PPP2R2B: variants seen among roughly 807,000 people sequenced by gnomAD.
The protein encoded by PPP2R2B is protein phosphatase 2 regulatory subunit Bbeta, also known as serine/threonine-protein phosphatase 2A 55 kDa regulatory subunit B beta isoform.
PPP2R2B carries 5 observed loss-of-function variants against 46.0 expected under a neutral mutation model. The ratio of observed to expected loss-of-function variants is 0.11; its 90% CI spans 0.06 to 0.23. PPP2R2B has a LOEUF of 0.23. Among genes scored for constraint, PPP2R2B ranks in the 10% least tolerant of loss-of-function variants. The probability of loss-of-function intolerance (pLI) is 1.00; values close to 1 mark genes in which losing one functional copy is unlikely to be tolerated. For missense variants in PPP2R2B, 367 were observed against 575.0 expected (o/e 0.64, Z 3.70); for synonymous variants, 215 against 206.7 (o/e 1.04, Z -0.34).
intron 2 of PPP2R2B, among the ~76,000 whole-genome samples, chr5:146,759,284 A>G (rs551654371): frequency 9.8e-5 from 15 of 152,318 alleles, no homozygotes; most frequent in Middle Eastern, 3.4e-3. Flanking sequence ...TCCTTATGTG[A>G]TCAGATGCTG....
intron 2 of PPP2R2B, among the ~76,000 whole-genome samples, chr5:146,828,063 C>G (rs569590106): frequency 6.6e-6 from 1 of 152,084 alleles, no homozygotes; most frequent in East Asian, 1.9e-4. Flanking sequence ...TGTACGCTTT[C>G]TTTCATGGTG....
intron 2 of PPP2R2B, among the ~76,000 whole-genome samples, chr5:146,859,697 C>A (rs972505212): frequency 2.0e-5 from 3 of 152,110 alleles, no homozygotes; most frequent in Admixed American, 6.5e-5. Context: ...GCCTGAGAAA[C>A]CTTTCTGTGA....
chr5:146,617,680 ATCTCTC>A (rs372446157), intron 7 of PPP2R2B, among the ~76,000 whole-genome samples: 4 of 144,356 alleles, frequency 2.8e-5, no homozygotes, highest in Admixed American at 6.9e-5. Context: ...GCTTCCTCTC[ATCTCTC>A]TCTCTCTCTC....
chr5:146,919,807 T>G (rs764742749), intron 1 of PPP2R2B: 1 of 152,314 alleles, frequency 6.6e-6, no homozygotes, highest in Admixed American at 6.5e-5. Flanking sequence ...AATAGCAACT[T>G]TACAGGTGAA....
intron 1 of PPP2R2B, among the ~76,000 whole-genome samples, chr5:146,967,319 C>T (rs1302151948): frequency 1.3e-5 from 2 of 152,142 alleles, no homozygotes; most frequent in Non-Finnish European, 2.9e-5. Flanking sequence ...GTCTCCTCCA[C>T]GTTCACTTCA....
At chr5:147,072,763 A>G (rs1032161134) in intron 2 of PPP2R2B, among the ~76,000 whole-genome samples, 1 of 152,218 alleles carries the variant, frequency 6.6e-6, no homozygotes, top group African/African-American at 2.4e-5. Flanking sequence ...TTATTAACAT[A>G]TCCTTTCATC....
chr5:146,826,433 G>C (rs187017217), intron 2 of PPP2R2B, among the ~76,000 whole-genome samples: 21 of 152,188 alleles, frequency 1.4e-4, no homozygotes, highest in Middle Eastern at 3.4e-3. Flanking sequence ...CTGAAAATAA[G>C]CTTTTTTAGG....
At chr5:147,064,315 G>T (rs993956383) in intron 2 of PPP2R2B, among the ~76,000 whole-genome samples, 1 of 152,112 alleles carries the variant, frequency 6.6e-6, no homozygotes, top group Non-Finnish European at 1.5e-5. Flanking sequence ...GTGCTTGTGT[G>T]GGGGAGATGG....
At chr5:146,774,816 C>CAA (rs548935070) in intron 2 of PPP2R2B, among the ~76,000 whole-genome samples, 9 of 66,726 alleles carry the variant, frequency 1.3e-4, no homozygotes, top group Admixed American at 6.1e-4. Flanking sequence ...GACTCTGTCT[C>CAA]AAAAAAAAAA....
In PPP2R2B at chr5:147,023,836, A is replaced by G. The variant is rs1001983189; in HGVS notation, c.79+31829T>C. On this transcript the variant is annotated intron_variant, in intron 1 of 8. Coordinates refer to the PPP2R2B transcript ENST00000336640. Reference sequence around the variant, plus strand: ...TCCAATCCATTGAGGGCCCAGACAGAAAAAAAAAAAGTAGAGGAAGGACAA... The same window carrying G: ...TCCAATCCATTGAGGGCCCAGACAGGAAAAAAAAAAGTAGAGGAAGGACAA... 6.8e-5 allele frequency among the ~76,000 whole-genome samples: 10 copies of G among 146,758 alleles called. No homozygotes were observed. The South Asian group carries it at 1.3e-3, about 19-fold the overall frequency.
intron 1 of PPP2R2B, among the ~76,000 whole-genome samples, chr5:146,908,387 G>C (rs181417925): frequency 1.3e-5 from 2 of 152,174 alleles, no homozygotes; most frequent in East Asian, 1.9e-4. Context: ...TATTCTACTA[G>C]TAAGTTCTTG....
At chr5:146,806,211 A>G (rs1341529761) in intron 2 of PPP2R2B, among the ~76,000 whole-genome samples, 1 of 152,154 alleles carries the variant, frequency 6.6e-6, no homozygotes, top group Non-Finnish European at 1.5e-5. Context: ...GGTCACCTAG[A>G]GTCAGTGATA....
At chr5:147,003,463 T>C (rs1413224216) in intron 1 of PPP2R2B, among the ~76,000 whole-genome samples, 3 of 152,148 alleles carry the variant, frequency 2.0e-5, no homozygotes, top group African/African-American at 2.4e-5. Context: ...TATATAGATA[T>C]CCTACAGGGT....
chr5:146,709,527 G>T (rs1047887297), intron 2 of PPP2R2B, among the ~76,000 whole-genome samples: 1 of 152,232 alleles, frequency 6.6e-6, no homozygotes, highest in African/African-American at 2.4e-5. Flanking sequence ...GTCTACTGGG[G>T]AAGCAGGAGC....
intron 1 of PPP2R2B, among the ~76,000 whole-genome samples, chr5:146,998,470 A>G (rs1754019472): frequency 6.6e-6 from 1 of 152,196 alleles, no homozygotes; most frequent in Admixed American, 6.5e-5. Flanking sequence ...GGCAGATGCA[A>G]CTAAATAAGG....
intron 7 of PPP2R2B, among the ~76,000 whole-genome samples, chr5:146,630,488 T>C (rs1774353289): frequency 6.6e-6 from 1 of 152,210 alleles, no homozygotes; most frequent in Non-Finnish European, 1.5e-5. Context: ...ACAGGTGGTC[T>C]GGCTCAAACC....
chr5:146,847,566 A>G (rs1203471637), intron 2 of PPP2R2B, among the ~76,000 whole-genome samples: 2 of 152,164 alleles, frequency 1.3e-5, no homozygotes, highest in African/African-American at 4.8e-5. Flanking sequence ...AACCCACCAC[A>G]GGGCTTGTGC....
chr5:147,039,083 G>T (rs1163943557), intron 1 of PPP2R2B, among the ~76,000 whole-genome samples: 2 of 152,004 alleles, frequency 1.3e-5, no homozygotes, highest in Non-Finnish European at 2.9e-5. Flanking sequence ...GTGCTTGCAG[G>T]TCCCTCTGCC....
rs142487098 is a variant in PPP2R2B at position 146,816,787 on chromosome 5, G to C, written c.70+61215C>G. Among the ~76,000 whole-genome samples the C allele has an allele frequency of 2.0e-5, 3 of 152,310 alleles. No homozygotes were observed. In the East Asian group the frequency reaches 5.8e-4, roughly 29 times the overall value. On this transcript the variant is annotated intron_variant, in intron 2 of 9. Transcript: ENST00000394411. ...TAAAGTCAGAGACCCATATGGAGGA[G>C]CTGATTCCAAAATCCATGTTCTAAT...
Sources: gnomAD v4.1 joint callset for allele counts (sites outside exome capture counted in the v4.1 genomes callset) on GRCh38, gnomAD v4.1.1 for gene constraint, MANE v1.5 for transcripts, NCBI Gene and HGNC (gene_info 2026-07-23, HGNC 2026-07-21) for gene names.